CSMD1: variants seen among roughly 807,000 people sequenced by gnomAD.
The protein encoded by CSMD1 is CUB and sushi domain-containing protein 1.
A neutral mutation model predicts 417.5 loss-of-function variants in CSMD1; 213 were observed. The observed-to-expected ratio is 0.51, with a 90% CI of 0.46 to 0.57. CSMD1 has a LOEUF of 0.57. Ranked by LOEUF, CSMD1 falls within the 20% of genes least tolerant of loss-of-function variation. The pLI is 0.00. For synonymous variants in CSMD1, 2,862 were observed against 1,736.8 expected (o/e 1.65, Z -16.11); for missense variants, 6,923 against 4,529.7 (o/e 1.53, Z -15.17).
intron 3 of CSMD1, among the ~76,000 whole-genome samples, chr8:4,281,008 A>G (rs1194411506): frequency 6.6e-6 from 1 of 152,136 alleles, no homozygotes; most frequent in East Asian, 1.9e-4. Flanking sequence ...AATGTATTAA[A>G]ATTAAGTGAG....
chr8:4,424,957 C>A (rs946678829), intron 2 of CSMD1, among the ~76,000 whole-genome samples: 4 of 151,894 alleles, frequency 2.6e-5, no homozygotes, highest in Admixed American at 6.6e-5. Context: ...TACTCAAGAA[C>A]ATATTAAGAT....
chr8:4,968,979 G>C (rs546570572), intron 1 of CSMD1, among the ~76,000 whole-genome samples: 1 of 152,098 alleles, frequency 6.6e-6, no homozygotes, highest in African/African-American at 2.4e-5. Context: ...CTGTGCTTTT[G>C]CACATAGGTT....
intron 22 of CSMD1, among the ~76,000 whole-genome samples, chr8:3,347,555 G>T (rs978103909): frequency 1.3e-5 from 2 of 152,148 alleles, no homozygotes; most frequent in African/African-American, 4.8e-5. Flanking sequence ...TAAAAATCAA[G>T]ATTAACTACA....
intron 3 of CSMD1, among the ~76,000 whole-genome samples, chr8:4,045,785 T>C (rs145128283): frequency 6.6e-6 from 1 of 152,198 alleles, no homozygotes; most frequent in Non-Finnish European, 1.5e-5. Context: ...ACTTTAAAGC[T>C]ATTTCCAGAC....
intron 3 of CSMD1, among the ~76,000 whole-genome samples, chr8:4,043,469 T>C (rs1016291319): frequency 6.6e-6 from 1 of 152,188 alleles, no homozygotes; most frequent in African/African-American, 2.4e-5. Flanking sequence ...ATACACCCAG[T>C]GTTATGTTGT....
At chr8:3,022,135 T>A (rs1340698285) in intron 51 of CSMD1, among the ~76,000 whole-genome samples, 1 of 133,474 alleles carries the variant, frequency 7.5e-6, no homozygotes, top group African/African-American at 2.9e-5. Flanking sequence ...TCCCACAGCA[T>A]CCAGAATGCA....
intron 3 of CSMD1, among the ~76,000 whole-genome samples, chr8:4,251,415 G>A (rs1790520833): frequency 6.6e-6 from 1 of 152,106 alleles, no homozygotes; most frequent in Non-Finnish European, 1.5e-5. Context: ...TGTATTTTGA[G>A]CAATAACATG....
At chr8:3,662,896 T>A (rs956703829) in intron 7 of CSMD1, among the ~76,000 whole-genome samples, 2 of 151,944 alleles carry the variant, frequency 1.3e-5, no homozygotes, top group African/African-American at 4.8e-5. Context: ...CATGAGAGGC[T>A]TAAAACCTAG....
intron 5 of CSMD1, among the ~76,000 whole-genome samples, chr8:3,997,607 C>T (rs546648321): frequency 6.6e-6 from 1 of 152,250 alleles, no homozygotes; most frequent in Non-Finnish European, 1.5e-5. Flanking sequence ...TCAGACCAAA[C>T]CCAAAACTAA....
intron 3 of CSMD1, among the ~76,000 whole-genome samples, chr8:4,138,128 G>C (rs1205195268): frequency 5.6e-5 from 7 of 125,590 alleles, no homozygotes; most frequent in South Asian, 2.6e-4. Context: ...TGTTACCCAG[G>C]ATGGTCTCAA....
chr8:3,609,742 A>ATT (rs1801795744), intron 8 of CSMD1, among the ~76,000 whole-genome samples: 6 of 137,850 alleles, frequency 4.4e-5, no homozygotes, highest in African/African-American at 1.7e-4. Context: ...AGAATTTAAA[A>ATT]AAAAAAAAAC....
At chr8:4,157,789 A>G (rs1169060541) in intron 3 of CSMD1, among the ~76,000 whole-genome samples, 1 of 152,150 alleles carries the variant, frequency 6.6e-6, no homozygotes, top group African/African-American at 2.4e-5. Context: ...CAGCTGGGTG[A>G]ACTTGCCCAG....
chr8:4,959,100 C>G (rs1211747769), intron 1 of CSMD1, among the ~76,000 whole-genome samples: 1 of 152,076 alleles, frequency 6.6e-6, no homozygotes, highest in Admixed American at 6.6e-5. Context: ...TTAGTCTATG[C>G]TTAGTTTTAA....
intron 11 of CSMD1, among the ~76,000 whole-genome samples, chr8:3,490,361 C>T (rs1355122827): frequency 6.6e-6 from 1 of 152,146 alleles, no homozygotes; most frequent in Admixed American, 6.6e-5. Context: ...CAACAAATAG[C>T]ATTAAAAAAT....
rs1305526101 is a variant in CSMD1 at position 3,835,382 on chromosome 8, G to A, written c.819-81340C>T. Among the ~76,000 whole-genome samples the A allele has an allele frequency of 9.2e-5, 14 of 152,008 alleles. No homozygotes were observed. The East Asian group carries it at 9.7e-4, about 10-fold the overall frequency. On this transcript the variant is annotated intron_variant, in intron 5 of 69. Coordinates refer to ENST00000635120, the MANE Select transcript of CSMD1 (RefSeq NM_033225.6). ...GTCCATATACACCATGGAATACTACGCAGCCATAAAAAATGATGAGTTCAT... is the reference window on the plus strand; with the variant it reads ...GTCCATATACACCATGGAATACTACACAGCCATAAAAAATGATGAGTTCAT...
intron 3 of CSMD1, among the ~76,000 whole-genome samples, chr8:4,294,795 G>A (rs146219769): frequency 2.0e-5 from 3 of 151,606 alleles, no homozygotes; most frequent in East Asian, 1.9e-4. Context: ...ATAAAAACCT[G>A]GAAAAAAGTG....
chr8:4,888,184 T>C (rs917554636), intron 1 of CSMD1, among the ~76,000 whole-genome samples: 1 of 151,966 alleles, frequency 6.6e-6, no homozygotes, highest in Non-Finnish European at 1.5e-5. Flanking sequence ...TACATCCATA[T>C]TGTATTCATG....
At chr8:3,151,079 A>G (rs565936495) in intron 40 of CSMD1, among the ~76,000 whole-genome samples, 13 of 152,318 alleles carry the variant, frequency 8.5e-5, no homozygotes, top group Non-Finnish European at 1.6e-4. Flanking sequence ...TTCCAGAGAT[A>G]GATTAGAAAA....
intron 1 of CSMD1, among the ~76,000 whole-genome samples, chr8:4,854,504 G>C (rs1173892642): frequency 6.6e-6 from 1 of 152,150 alleles, no homozygotes; most frequent in Non-Finnish European, 1.5e-5. Flanking sequence ...TGAGGTACCG[G>C]GTTCATCTCA....
Sources: allele counts gnomAD v4.1 joint callset (sites outside exome capture counted in the v4.1 genomes callset), GRCh38; gene constraint gnomAD v4.1.1; transcripts MANE v1.5; gene names NCBI Gene and HGNC (gene_info 2026-07-23, HGNC 2026-07-21).